The following STEAP2 variants were observed in gnomAD, a reference collection of about 807,000 sequenced individuals.
STEAP2 encodes metalloreductase STEAP2.
Under a neutral mutation model 46.4 loss-of-function variants are expected in STEAP2, and 30 were observed. The observed-to-expected ratio is 0.65, with a 90% CI of 0.48 to 0.88. STEAP2 has a LOEUF of 0.88. Among genes scored for constraint, STEAP2 ranks in the 40% least tolerant of loss-of-function variants. The pLI is 0.00. For missense variants in STEAP2, 513 were observed against 579.3 expected, an observed-to-expected ratio of 0.89 and a Z score of 1.18; for synonymous variants, 180 against 200.5, an observed-to-expected ratio of 0.90 and a Z score of 0.86.
At chr7:90,238,049 G>T (rs1467283439), downstream of STEAP2, 1 of 717,174 alleles carries the variant, frequency 1.4e-6, no homozygotes, top group East Asian at 2.7e-5. Context: ...CATCCATGCA[G>T]CCATGCCTAC....
intron 3 of STEAP2, among the ~76,000 whole-genome samples, chr7:90,225,991 G>A (rs936566757): frequency 3.9e-5 from 6 of 152,120 alleles, no homozygotes; most frequent in African/African-American, 1.4e-4. Context: ...ATAAGTTTCA[G>A]TATTATATCA....
rs35694638 is a variant in STEAP2 at position 90,234,707 on chromosome 7, T to C, written c.*2083T>C. 11,569 of 454,488 alleles carry C rather than the reference T, an allele frequency of 0.025. 184 individuals carry two copies. The highest frequency in any genetic ancestry group is 0.031 in the Non-Finnish European group (10,682 of 345,176). 28.2% of individuals were successfully genotyped at this position (454,488 alleles called of 1,614,324 possible). A position where few individuals can be genotyped will look rare whatever the true frequency, so the allele number is the denominator to read the frequency against. ...CTGGGACTACAGGTGCCCGCCACCATGCCCGGCTGATTTCTTTTTGTATTT... is the reference window on the plus strand; with the variant it reads ...CTGGGACTACAGGTGCCCGCCACCACGCCCGGCTGATTTCTTTTTGTATTT... On this transcript the variant is annotated 3_prime_UTR_variant, in exon 6 of 6. Transcript: ENST00000394621.
chr7:90,217,518 T>C (rs574074782), intron 2 of STEAP2, among the ~76,000 whole-genome samples: 1 of 152,280 alleles, frequency 6.6e-6, no homozygotes, highest in Non-Finnish European at 1.5e-5. Context: ...GATATTTGCC[T>C]TTCTGTGCCT....
intron 3 of STEAP2, among the ~76,000 whole-genome samples, 153 bp from the exon 4 acceptor site, chr7:90,226,818 T>C (rs896835810): frequency 6.6e-6 from 1 of 152,150 alleles, no homozygotes; most frequent in African/African-American, 2.4e-5. Flanking sequence ...TTCAAACTAT[T>C]GAAATCTGTT....
chr7:90,224,971 A>G, intron 2 of STEAP2, 79 bp from the exon 3 acceptor site: 1 of 1,232,782 alleles, frequency 8.1e-7, no homozygotes, highest in Non-Finnish European at 1.1e-6. Flanking sequence ...CTCTAGAAAG[A>G]CAGGACATTA....
At position 90,211,807 on chromosome 7, in the gene STEAP2, T is replaced by C. The variant is rs950245890; in HGVS notation, c.-385T>C. The C allele has an allele frequency of 1.3e-5, 2 of 152,658 alleles. No individual in the cohort carries two copies. Among genetic ancestry groups the C allele is most frequent in the African/African-American group, 4.8e-5 (2 of 41,460 alleles). 9.5% of individuals were successfully genotyped at this position (152,658 alleles called of 1,614,324 possible). On this transcript the variant is annotated 5_prime_UTR_variant, in exon 1 of 6. Transcript: ENST00000394621. ...CACGCAGCCCCTAGCGGCGCGTCGCTGCCAAGCCGGCCTCCGCGCGCCTCC... is the reference window on the plus strand; with the variant it reads ...CACGCAGCCCCTAGCGGCGCGTCGCCGCCAAGCCGGCCTCCGCGCGCCTCC...
rs1405133461 is a variant in STEAP2 at position 90,234,530 on chromosome 7, T to C, written c.*1906T>C. On this transcript the variant is annotated 3_prime_UTR_variant, in exon 6 of 6. Coordinates refer to ENST00000394621, the MANE Select transcript of STEAP2 (RefSeq NM_001244944.2). ...TTTCTAATGTTCTCTTGGTGAATTT[T>C]ATTATCTTGTACCCTCTTTTTTTTT... The C allele has an allele frequency of 2.0e-6, 2 of 981,742 alleles. No individual in the cohort carries two copies. Among genetic ancestry groups the C allele is most frequent in the Non-Finnish European group, 2.4e-6 (2 of 827,940 alleles). The allele number at this position is 981,742 out of a possible 1,614,324, so 60.8% of individuals were successfully genotyped here.
chr7:90,213,066 C>T (rs1460642358), intron 1 of STEAP2, among the ~76,000 whole-genome samples: 2 of 151,662 alleles, frequency 1.3e-5, no homozygotes, highest in Non-Finnish European at 3.0e-5. Context: ...CAAAACAAAA[C>T]AAAACACCCG....
chr7:90,241,108 A>G (rs1001050724), downstream of STEAP2, among the ~76,000 whole-genome samples: 1 of 152,194 alleles, frequency 6.6e-6, no homozygotes, highest in African/African-American at 2.4e-5. Flanking sequence ...ATTAGTGAAA[A>G]CCAGTTTTAT....
At chr7:90,240,280 C>A (rs79682118), downstream of STEAP2, among the ~76,000 whole-genome samples, 1 of 146,102 alleles carries the variant, frequency 6.8e-6, no homozygotes, top group Non-Finnish European at 1.5e-5. This position sits in a 1 kb window ranked among gnomAD's most constrained non-coding sequence, Gnocchi z 4.1. Context: ...GACCCTGTCT[C>A]AAAAAAAAAA....
intron 5 of STEAP2, among the ~76,000 whole-genome samples, chr7:90,230,971 G>A (rs965490266): frequency 6.6e-5 from 10 of 151,536 alleles, no homozygotes; most frequent in Non-Finnish European, 8.9e-5. Flanking sequence ...AATCATACCC[G>A]AAAAGAAATA....
intron 2 of STEAP2, among the ~76,000 whole-genome samples, chr7:90,219,901 T>C (rs1296448625): frequency 6.6e-6 from 1 of 152,080 alleles, no homozygotes; most frequent in Non-Finnish European, 1.5e-5. Flanking sequence ...ATTGTTTAAA[T>C]TTTTTGTAGA....
intron 2 of STEAP2, among the ~76,000 whole-genome samples, chr7:90,218,254 G>T (rs1480757331): frequency 1.3e-5 from 2 of 152,040 alleles, no homozygotes; most frequent in African/African-American, 2.4e-5. Context: ...TTGCTGCACG[G>T]AAGTCTTTTA....
At chr7:90,238,012 C>T, downstream of STEAP2, 1 of 711,674 alleles carries the variant, frequency 1.4e-6, no homozygotes, top group Non-Finnish European at 2.6e-6. Context: ...CCCATTTTTA[C>T]AGAAAATTAT....
chr7:90,228,411 A>AAAC (rs5885717), intron 4 of STEAP2, among the ~76,000 whole-genome samples: 111,492 of 151,768 alleles, frequency 0.73, 41,599 homozygotes, highest in East Asian at 0.93. Flanking sequence ...CCCTGAAAAA[A>AAAC]AACTTCTCTT....
downstream of STEAP2, chr7:90,238,149 T>TACC (rs755534614): frequency 4.3e-6 from 3 of 693,878 alleles, no homozygotes; most frequent in Non-Finnish European, 8.1e-6. Flanking sequence ...CTGCTGCCAC[T>TACC]ACCACCACCA....
intron 2 of STEAP2, among the ~76,000 whole-genome samples, chr7:90,220,283 G>A (rs894604046): frequency 1.3e-5 from 2 of 152,106 alleles, no homozygotes; most frequent in African/African-American, 4.8e-5. Context: ...TTTGTTGGGA[G>A]TTTTTTAATT....
intron 2 of STEAP2, among the ~76,000 whole-genome samples, chr7:90,223,411 T>C (rs1199124719): frequency 6.6e-6 from 1 of 152,208 alleles, no homozygotes; most frequent in African/African-American, 2.4e-5. Flanking sequence ...CAGCTCTGAC[T>C]CTCTGTCTCT....
rs1008271592 is a variant in STEAP2, at chr7:90,235,839, T to C, written c.*3215T>C. 1.3e-6 allele frequency: 1 copy of C among 752,190 alleles called. No individual in the cohort carries two copies. The highest frequency in any genetic ancestry group is 6.3e-5 in the Admixed American group (1 of 15,970). The allele number at this position is 752,190 out of a possible 1,614,324, so 46.6% of individuals were successfully genotyped here. ...AGGTTTTTATTTGAATTGTAAAATATTTAAAAGTATGAATAAAATATATTT... is the reference window on the plus strand; with the variant it reads ...AGGTTTTTATTTGAATTGTAAAATACTTAAAAGTATGAATAAAATATATTT... On this transcript the variant is annotated 3_prime_UTR_variant, in exon 6 of 6. Coordinates refer to ENST00000394621, the MANE Select transcript of STEAP2 (RefSeq NM_001244944.2).
Sources: gnomAD v4.1 joint callset for allele counts (sites outside exome capture counted in the v4.1 genomes callset) on GRCh38, gnomAD v4.1.1 for gene constraint, Gnocchi (gnomAD v3.1) non-coding constraint, MANE v1.5 for transcripts, NCBI Gene and HGNC (gene_info 2026-07-23, HGNC 2026-07-21) for gene names.